Variants in DCBLD1 observed in about 807,000 individuals in gnomAD.
DCBLD1 encodes discoidin, CUB and LCCL domain containing 1.
DCBLD1 carries 57 observed loss-of-function variants against 71.5 expected under a neutral mutation model. That is an observed-to-expected ratio of 0.80 (90% CI 0.64 to 0.99). The LOEUF (loss-of-function observed/expected upper bound fraction) is 0.99. Among genes scored for constraint, DCBLD1 ranks in the 50% least tolerant of loss-of-function variants. The pLI is 0.00. For synonymous variants in DCBLD1, 380 were observed against 363.8 expected (o/e 1.04, Z -0.51); for missense variants, 891 against 923.5 (o/e 0.96, Z 0.46).
chr6:117,521,942 A>G (rs1198407112), intron 4 of DCBLD1, among the ~76,000 whole-genome samples: 2 of 152,228 alleles, frequency 1.3e-5, no homozygotes, highest in African/African-American at 4.8e-5. Flanking sequence ...CTCACAGGCC[A>G]TAGTTTGCTG....
Position 117,521,508 on chromosome 6 carries a change from ATCT to A in DCBLD1, c.461-15_461-13del. On this transcript the variant is annotated splice_polypyrimidine_tract_variant and intron_variant, in intron 3 of 14. Transcript: ENST00000338728. ...TTTATTCATTCTATTAATTGCAATT[ATCT>A]TTATTTATGACAGATTTAATAACAT... The A allele has an allele frequency of 1.9e-6, 3 of 1,562,216 alleles. No individual in the cohort carries two copies. The highest frequency in any genetic ancestry group is 1.4e-5 in the African/African-American group (1 of 71,098).
At chr6:117,551,450 G>A (rs575159364), downstream of DCBLD1, among the ~76,000 whole-genome samples, 2 of 152,120 alleles carry the variant, frequency 1.3e-5, no homozygotes, top group South Asian at 4.1e-4. Flanking sequence ...CACTGTCTCA[G>A]CTCACTGCAA....
At chr6:117,537,586 C>T (rs1213422312) in intron 7 of DCBLD1, among the ~76,000 whole-genome samples, 6 of 146,040 alleles carry the variant, frequency 4.1e-5, no homozygotes, top group African/African-American at 1.5e-4. Context: ...GTAGTTTATT[C>T]CTCCATACCC....
chr6:117,545,597 G>C lies in DCBLD1; in HGVS notation c.1615G>C (p.Asp539His). ...KLDLITSDMA[D>H]YQQPLMIGTG... ...AGATCTCATCACAAGTGATATGGCA[G>C]GTAAGTGTCATATTTCTAGGACTGT... The change falls in exon 14 of 15, where the codon GAT (aspartate) becomes CAT (histidine). Residue 539 changes from aspartate to histidine, a missense_variant and splice_region_variant. By Grantham distance (81) the Asp-to-His change is moderately conservative (BLOSUM62 -1). Transcript: ENST00000338728. 1.9e-6 allele frequency: 3 copies of C among 1,613,464 alleles called. No individual in the cohort carries two copies. Among genetic ancestry groups the C allele is most frequent in the Non-Finnish European group, 2.5e-6 (3 of 1,179,698 alleles).
chr6:117,515,760 G>C (rs1778174710), intron 2 of DCBLD1, among the ~76,000 whole-genome samples: 2 of 152,022 alleles, frequency 1.3e-5, no homozygotes, highest in African/African-American at 4.8e-5. Context: ...TTCTCTTCCT[G>C]ACTTCTCCAT....
chr6:117,516,688 A>G (rs1778211685), intron 2 of DCBLD1, among the ~76,000 whole-genome samples: 1 of 152,160 alleles, frequency 6.6e-6, no homozygotes, highest in South Asian at 2.1e-4. Flanking sequence ...GCAATTTACA[A>G]AAGGTTTAAT....
chr6:117,548,986 T>C lies in DCBLD1; in HGVS notation c.*547T>C. On this transcript the variant is annotated 3_prime_UTR_variant, in exon 15 of 15. Coordinates refer to ENST00000338728, the MANE Select transcript of DCBLD1 (RefSeq NM_001366458.2). Reference sequence around the variant, plus strand: ...ACTAGAACTGAAAGCATTTTTAACATTCTTCTCCTGGAAGAAATGAATTAC... The same window carrying C: ...ACTAGAACTGAAAGCATTTTTAACACTCTTCTCCTGGAAGAAATGAATTAC... 1.0e-6 allele frequency: 1 copy of C among 986,808 alleles called. No individual in the cohort carries two copies. The highest frequency in any genetic ancestry group is 6.0e-5 in the Admixed American group (1 of 16,534). The allele number at this position is 986,808 out of a possible 1,614,324, so 61.1% of individuals were successfully genotyped here.
At chr6:117,507,779 T>C (rs1379902936) in intron 2 of DCBLD1, among the ~76,000 whole-genome samples, 1 of 152,180 alleles carries the variant, frequency 6.6e-6, no homozygotes, top group Non-Finnish European at 1.5e-5. Context: ...TTGAGTTGGT[T>C]TGATGTTTCC....
chr6:117,568,704 T>C (rs1303949585), intron 14 of DCBLD1, among the ~76,000 whole-genome samples: 1 of 152,212 alleles, frequency 6.6e-6, no homozygotes, highest in Admixed American at 6.5e-5. Context: ...GAGACACAGA[T>C]TTCAGGCTTA....
chr6:117,519,330 G>T (rs914627729), intron 2 of DCBLD1, among the ~76,000 whole-genome samples: 1 of 152,166 alleles, frequency 6.6e-6, no homozygotes, highest in Non-Finnish European at 1.5e-5. Flanking sequence ...TTAACCAGAA[G>T]TTACTGTAAA....
At position 117,510,348 on chromosome 6, in the gene DCBLD1, CACACAGACACAG is replaced by C. The variant is rs1238782289; in HGVS notation, c.325+6375_325+6386del. Among the ~76,000 whole-genome samples the C allele has an allele frequency of 9.3e-4, 141 of 151,084 alleles. 3 individuals carry two copies. The South Asian group carries it at 0.029, about 31-fold the overall frequency. On this transcript the variant is annotated intron_variant, in intron 2 of 14. Coordinates refer to ENST00000338728, the MANE Select transcript of DCBLD1 (RefSeq NM_001366458.2). ...TCTAACACACACAGACACAGACACA[CACACAGACACAG>C]ACACACACACACACACACACACGTA...
intron 1 of DCBLD1, among the ~76,000 whole-genome samples, chr6:117,486,930 A>C (rs1417642762): frequency 6.6e-6 from 1 of 151,904 alleles, no homozygotes; most frequent in Non-Finnish European, 1.5e-5. Flanking sequence ...TTCTCATTGG[A>C]GCTTGAACTC....
intron 14 of DCBLD1, among the ~76,000 whole-genome samples, chr6:117,567,655 A>G (rs1399425484): frequency 6.6e-6 from 1 of 152,078 alleles, no homozygotes; most frequent in Non-Finnish European, 1.5e-5. Context: ...AGTAATTACT[A>G]TATTTATATA....
intron 14 of DCBLD1, among the ~76,000 whole-genome samples, chr6:117,563,789 G>T (rs1418345204): frequency 6.6e-6 from 1 of 151,400 alleles, no homozygotes; most frequent in Non-Finnish European, 1.5e-5. Context: ...ACAAAGGAAT[G>T]CCCAAGTAAT....
At position 117,539,252 on chromosome 6, in the gene DCBLD1, A is replaced by C. The variant is rs762308584; in HGVS notation, c.977-3A>C. On this transcript the variant is annotated splice_polypyrimidine_tract_variant and splice_region_variant and intron_variant, in intron 8 of 14. Transcript: ENST00000338728. Reference sequence around the variant, plus strand: ...TAGCCTGTAAATATTATTTTCTTACAAGGAATTAGGACCACAGGATCTACA... The same window carrying C: ...TAGCCTGTAAATATTATTTTCTTACCAGGAATTAGGACCACAGGATCTACA... 64 of 1,420,402 alleles carry C rather than the reference A, an allele frequency of 4.5e-5. No individual in the cohort carries two copies. The highest frequency in any genetic ancestry group is 5.7e-5 in the Non-Finnish European group (62 of 1,086,518). The allele number at this position is 1,420,402 out of a possible 1,614,324, so 88.0% of individuals were successfully genotyped here. A position where few individuals can be genotyped will look rare whatever the true frequency, so the allele number is the denominator to read the frequency against.
intron 14 of DCBLD1, chr6:117,560,880 G>A (rs544685252): frequency 4.7e-6 from 1 of 213,756 alleles, no homozygotes; most frequent in African/African-American, 2.3e-5. Flanking sequence ...CTCCTTACTT[G>A]TTTGGTTTTG....
At chr6:117,569,038 C>A in intron 14 of DCBLD1, among the ~76,000 whole-genome samples, 1 of 152,174 alleles carries the variant, frequency 6.6e-6, no homozygotes, top group East Asian at 1.9e-4. Flanking sequence ...GTATGAATCT[C>A]AATTCTATAA....
intron 2 of DCBLD1, among the ~76,000 whole-genome samples, chr6:117,510,342 G>GAC (rs1277610499): frequency 9.5e-5 from 14 of 147,914 alleles, no homozygotes; most frequent in African/African-American, 3.1e-4. Context: ...CACAGACACA[G>GAC]ACACACACAC....
chr6:117,515,328 A>C (rs1390604328), intron 2 of DCBLD1, among the ~76,000 whole-genome samples: 1 of 152,062 alleles, frequency 6.6e-6, no homozygotes. Flanking sequence ...GGCCACCTAC[A>C]GTTTTCATTA....
Sources: allele counts gnomAD v4.1 joint callset (sites outside exome capture counted in the v4.1 genomes callset), GRCh38; gene constraint gnomAD v4.1.1; transcripts MANE v1.5; gene names NCBI Gene and HGNC (gene_info 2026-07-23, HGNC 2026-07-21).